The following KIF18A variants were observed in gnomAD, a reference collection of about 807,000 sequenced individuals.
The protein encoded by KIF18A is kinesin-like protein KIF18A.
KIF18A carries 67 observed loss-of-function variants against 103.3 expected under a neutral mutation model. The observed-to-expected ratio is 0.65, with a 90% CI of 0.53 to 0.79. The LOEUF is 0.79. KIF18A is among the 30% of genes least tolerant of loss of function. The pLI is 0.00. For synonymous variants in KIF18A, 367 were observed against 355.5 expected (o/e 1.03, Z -0.36); for missense variants, 1,032 against 1,062.5 (o/e 0.97, Z 0.40).
At chr11:28,022,489 G>A (rs528255611) in intron 16 of KIF18A, among the ~76,000 whole-genome samples, 21 of 151,968 alleles carry the variant, frequency 1.4e-4, no homozygotes, top group African/African-American at 5.1e-4. Flanking sequence ...GGATGGTCTC[G>A]ATCTCCTGAC....
chr11:28,085,583 C>T (rs1039060739), intron 6 of KIF18A, among the ~76,000 whole-genome samples: 4 of 152,086 alleles, frequency 2.6e-5, no homozygotes, highest in African/African-American at 9.7e-5. Context: ...GGGAAGGGTC[C>T]CCTGTCCTAT....
intron 15 of KIF18A, among the ~76,000 whole-genome samples, chr11:28,025,338 C>T (rs1850302861): frequency 6.6e-6 from 1 of 151,910 alleles, no homozygotes; most frequent in Non-Finnish European, 1.5e-5. Flanking sequence ...ATCAGCTGTC[C>T]AAGGCAGAAA....
chr11:28,073,905 T>C (rs1363624993), intron 10 of KIF18A, among the ~76,000 whole-genome samples: 1 of 152,208 alleles, frequency 6.6e-6, no homozygotes, highest in Non-Finnish European at 1.5e-5. Context: ...CAGCTTCCTA[T>C]GGCTGCATTT....
At chr11:28,080,348 GTTT>G (rs34970405) in intron 9 of KIF18A, among the ~76,000 whole-genome samples, 5 of 138,170 alleles carry the variant, frequency 3.6e-5, no homozygotes, top group East Asian at 4.2e-4. Context: ...TGCAGACACT[GTTT>G]TTTTTTTTTT....
At chr11:28,052,924 T>A (rs1405820816) in intron 13 of KIF18A, among the ~76,000 whole-genome samples, 1 of 152,016 alleles carries the variant, frequency 6.6e-6, no homozygotes, top group East Asian at 1.9e-4. Flanking sequence ...GAAAAAAGAC[T>A]CTTCAATTAA....
At chr11:28,058,655 C>A (rs1388637474) in intron 13 of KIF18A, among the ~76,000 whole-genome samples, 1 of 101,654 alleles carries the variant, frequency 9.8e-6, no homozygotes, top group Admixed American at 1.4e-4. Flanking sequence ...GGGTGAGACC[C>A]TGTCACCAAA....
intron 1 of KIF18A, among the ~76,000 whole-genome samples, chr11:28,101,423 T>C (rs556232510): frequency 4.0e-4 from 61 of 152,322 alleles, no homozygotes; most frequent in African/African-American, 1.3e-3. Flanking sequence ...GGCTGGAGGA[T>C]ATCCCTCCCT....
rs1428303082 is a variant in KIF18A, at chr11:28,023,744, T to C, written c.2611A>G (p.Met871Val). 9.0e-6 allele frequency: 14 copies of C among 1,562,802 alleles called. No individual in the cohort carries two copies. The highest frequency in any genetic ancestry group is 2.7e-5 in the African/African-American group (2 of 73,994). ...EKHLQENKPTMEHKRNICKIN... is the reference protein window; with the variant it reads ...EKHLQENKPTVEHKRNICKIN... ...CAAATTAAAAGCTGAGACATACCCATTGTTGGTTTGTTTTCTTGTAAGTGC... is the reference window on the plus strand; with the variant it reads ...CAAATTAAAAGCTGAGACATACCCACTGTTGGTTTGTTTTCTTGTAAGTGC... The change falls in exon 16 of 17, where the codon ATG becomes GTG. Residue 871 changes from methionine (M) to valine (V), a missense_variant. Coordinates refer to ENST00000263181, the MANE Select transcript of KIF18A (RefSeq NM_031217.4).
At chr11:28,092,443 A>T (rs764291186) in intron 3 of KIF18A, among the ~76,000 whole-genome samples, 15 of 152,344 alleles carry the variant, frequency 9.8e-5, no homozygotes, top group Non-Finnish European at 1.9e-4. Flanking sequence ...TAAAGGTATT[A>T]GCAGAGTAGG....
intron 13 of KIF18A, among the ~76,000 whole-genome samples, chr11:28,049,002 C>T (rs1432772012): frequency 6.6e-6 from 1 of 152,004 alleles, no homozygotes; most frequent in Non-Finnish European, 1.5e-5. Context: ...CCTTTGAAGA[C>T]TCTTCTGAGA....
intron 7 of KIF18A, among the ~76,000 whole-genome samples, chr11:28,084,091 T>C (rs1851198165): frequency 6.6e-6 from 1 of 152,194 alleles, no homozygotes; most frequent in South Asian, 2.1e-4. Flanking sequence ...ATTATTATTA[T>C]TATATTTCTG....
At position 28,080,354 on chromosome 11, in the gene KIF18A, T is replaced by TG. The variant is rs1426882258; in HGVS notation, c.1262+2501_1262+2502insC. 3.3e-5 allele frequency among the ~76,000 whole-genome samples: 5 copies of TG among 151,744 alleles called. No homozygotes were observed. The East Asian group carries it at 9.7e-4, about 29-fold the overall frequency. ...ATTGTGCTTTGCAGACACTGTTTTT[T>TG]TTTTTTTTTTTTAAACAAACTGAAG... On this transcript the variant is annotated intron_variant, in intron 9 of 16. Transcript: ENST00000263181.
chr11:28,103,627 TAG>T (rs967940452), intron 1 of KIF18A, among the ~76,000 whole-genome samples: 59 of 152,228 alleles, frequency 3.9e-4, no homozygotes, highest in Middle Eastern at 6.8e-3. Context: ...TATTCTCTCA[TAG>T]AGAGTCTAGT....
At chr11:28,088,083 C>A (rs184537325) in intron 6 of KIF18A, among the ~76,000 whole-genome samples, 1 of 151,448 alleles carries the variant, frequency 6.6e-6, no homozygotes, top group East Asian at 1.9e-4. Context: ...TTAAACCCCC[C>A]TTAAAAAAAA....
intron 4 of KIF18A, among the ~76,000 whole-genome samples, chr11:28,091,149 A>ATACATACATACATACATAC (rs1554974427): frequency 1.5e-5 from 2 of 131,902 alleles, no homozygotes; most frequent in Non-Finnish European, 3.2e-5. Context: ...TAAATAAATA[A>ATACATACATACATACATAC]ATACATACAT....
intron 15 of KIF18A, among the ~76,000 whole-genome samples, chr11:28,026,164 A>C (rs1043330322): frequency 2.6e-5 from 4 of 151,882 alleles, no homozygotes; most frequent in African/African-American, 9.7e-5. Context: ...TAAATTGTTA[A>C]GATTAAAAAT....
At chr11:28,091,646 C>A in intron 3 of KIF18A, 133 bp from the exon 4 acceptor site, 1 of 493,768 alleles carries the variant, frequency 2.0e-6, no homozygotes, top group South Asian at 3.4e-5. Flanking sequence ...TTATTCACCT[C>A]ATACCTTCGA....
chr11:28,038,320 T>C (rs574347142), intron 13 of KIF18A, among the ~76,000 whole-genome samples: 1 of 151,712 alleles, frequency 6.6e-6, no homozygotes, highest in South Asian at 2.1e-4. Context: ...TATGTAACAA[T>C]ACACTTGATC....
At chr11:28,032,036 A>G (rs991691354) in intron 15 of KIF18A, among the ~76,000 whole-genome samples, 5 of 151,932 alleles carry the variant, frequency 3.3e-5, no homozygotes, top group African/African-American at 1.2e-4. Context: ...CAAATTCAGT[A>G]GAGTTCCAGA....
Sources: allele counts gnomAD v4.1 joint callset (sites outside exome capture counted in the v4.1 genomes callset), GRCh38; gene constraint gnomAD v4.1.1; transcripts MANE v1.5; gene names NCBI Gene and HGNC (gene_info 2026-07-23, HGNC 2026-07-21).